FBXL17: variants seen among roughly 807,000 people sequenced by gnomAD.
FBXL17 encodes the protein F-box/LRR-repeat protein 17.
A neutral mutation model predicts 66.2 loss-of-function variants in FBXL17; 22 were observed. That is an observed-to-expected ratio of 0.33 (90% CI 0.24 to 0.47). The LOEUF (loss-of-function observed/expected upper bound fraction) is 0.47, where lower values mean the gene tolerates loss of function less well. Among genes scored for constraint, FBXL17 ranks in the 20% least tolerant of loss-of-function variants. The probability of loss-of-function intolerance (pLI) is 1.00; values close to 1 mark genes in which losing one functional copy is unlikely to be tolerated. For synonymous variants in FBXL17, 474 were observed against 400.5 expected, an observed-to-expected ratio of 1.18 and a Z score of -2.19; for missense variants, 878 against 948.2, an observed-to-expected ratio of 0.93 and a Z score of 0.97.
intron 4 of FBXL17, among the ~76,000 whole-genome samples, chr5:108,232,805 A>ATATATATATAT (rs70996987): frequency 2.3e-4 from 24 of 105,108 alleles, no homozygotes; most frequent in Non-Finnish European, 3.5e-4. Context: ...ATATATATAT[A>ATATATATATAT]ATATATACTA....
chr5:108,011,781 G>A (rs1333617754), intron 7 of FBXL17, among the ~76,000 whole-genome samples: 1 of 152,090 alleles, frequency 6.6e-6, no homozygotes, highest in African/African-American at 2.4e-5. Flanking sequence ...TTAAGATCTC[G>A]CCACTGCACT....
intron 4 of FBXL17, among the ~76,000 whole-genome samples, chr5:108,225,799 T>C (rs1250417368): frequency 1.3e-5 from 2 of 152,224 alleles, no homozygotes; most frequent in African/African-American, 2.4e-5. Context: ...CTCTCATTCA[T>C]TGTCACTATC....
At chr5:108,107,737 G>C (rs1460641579) in intron 6 of FBXL17, among the ~76,000 whole-genome samples, 1 of 151,086 alleles carries the variant, frequency 6.6e-6, no homozygotes, top group African/African-American at 2.4e-5. Context: ...GCATGAACCC[G>C]GGAGGCAGAG....
chr5:108,225,187 C>T (rs749251514), intron 4 of FBXL17, among the ~76,000 whole-genome samples: 5 of 152,132 alleles, frequency 3.3e-5, no homozygotes, highest in African/African-American at 7.2e-5. Context: ...TTATGACTGG[C>T]TTCTTTCACT....
chr5:107,989,028 A>C (rs1753126669), intron 7 of FBXL17, among the ~76,000 whole-genome samples: 1 of 152,036 alleles, frequency 6.6e-6, no homozygotes, highest in Non-Finnish European at 1.5e-5. Context: ...ATAATTGTAT[A>C]TATTTATGGG....
chr5:108,045,550 A>G (rs1400604062), intron 6 of FBXL17, among the ~76,000 whole-genome samples: 2 of 152,054 alleles, frequency 1.3e-5, no homozygotes, highest in Non-Finnish European at 2.9e-5. Flanking sequence ...TAGCTTTTTG[A>G]TTTAAAAATT....
Position 107,979,988 on chromosome 5 carries a change from A to G in FBXL17, c.1822+40937T>C, listed in dbSNP as rs549951616. 3.2e-4 allele frequency among the ~76,000 whole-genome samples: 48 copies of G among 152,332 alleles called. 2 individuals carry two copies. The South Asian group carries it at 9.7e-3, about 31-fold the overall frequency. The stretch of plus-strand genomic sequence containing the variant: ...CTGGTATGCTCTGACAAATCTTTAA[A>G]TTTGATCCTTTTTTGTTGGTGAAAG... On this transcript the variant is annotated intron_variant, in intron 7 of 8. Coordinates refer to ENST00000542267, the MANE Select transcript of FBXL17 (RefSeq NM_001163315.3).
At chr5:108,369,112 A>G (rs1230576988) in intron 1 of FBXL17, among the ~76,000 whole-genome samples, 2 of 152,138 alleles carry the variant, frequency 1.3e-5, no homozygotes, top group Non-Finnish European at 2.9e-5. Flanking sequence ...AGACAAATGC[A>G]TATCTGATTG....
At chr5:108,276,358 G>A (rs1011439106) in intron 4 of FBXL17, among the ~76,000 whole-genome samples, 2 of 152,162 alleles carry the variant, frequency 1.3e-5, no homozygotes, top group East Asian at 3.8e-4. Flanking sequence ...TTGCTGTGAT[G>A]ATTGATTGCA....
intron 4 of FBXL17, among the ~76,000 whole-genome samples, chr5:108,327,332 C>T (rs1382477278): frequency 6.6e-6 from 1 of 152,178 alleles, no homozygotes; most frequent in African/African-American, 2.4e-5. Flanking sequence ...AAAGCCTGAA[C>T]TACACCCCAG....
intron 4 of FBXL17, among the ~76,000 whole-genome samples, chr5:108,330,178 C>T (rs185529459): frequency 2.0e-5 from 3 of 152,228 alleles, no homozygotes; most frequent in East Asian, 1.9e-4. Flanking sequence ...TATGCCCTAG[C>T]TTTCAATATA....
intron 7 of FBXL17, among the ~76,000 whole-genome samples, chr5:108,003,302 C>A (rs1379360639): frequency 6.6e-6 from 1 of 152,086 alleles, no homozygotes; most frequent in Non-Finnish European, 1.5e-5. Flanking sequence ...TGAAAGTAGT[C>A]CAAACTGCCC....
chr5:108,163,643 C>T (rs1046400648), intron 6 of FBXL17, among the ~76,000 whole-genome samples: 20 of 152,064 alleles, frequency 1.3e-4, no homozygotes, highest in South Asian at 6.2e-4. Flanking sequence ...CCTCATGATC[C>T]GCCCATCTAG....
At chr5:107,893,000 C>T (rs779312930) in intron 7 of FBXL17, among the ~76,000 whole-genome samples, 2 of 152,108 alleles carry the variant, frequency 1.3e-5, no homozygotes, top group Non-Finnish European at 2.9e-5. Context: ...TCTTCCATTC[C>T]CAGTTTGCTG....
intron 7 of FBXL17, among the ~76,000 whole-genome samples, chr5:107,938,238 A>G (rs1213046048): frequency 6.6e-6 from 1 of 152,070 alleles, no homozygotes; most frequent in Non-Finnish European, 1.5e-5. Context: ...TGCTTTAAAG[A>G]ACCCAGTGAA....
At chr5:108,282,960 C>T (rs1757759355) in intron 4 of FBXL17, among the ~76,000 whole-genome samples, 1 of 149,324 alleles carries the variant, frequency 6.7e-6, no homozygotes, top group Non-Finnish European at 1.5e-5. Flanking sequence ...TGAAAAATCT[C>T]TGCAAGGAAA....
intron 4 of FBXL17, among the ~76,000 whole-genome samples, chr5:108,333,148 GTATA>G (rs145030445): frequency 2.2e-5 from 3 of 136,568 alleles, no homozygotes; most frequent in Non-Finnish European, 4.6e-5. Flanking sequence ...AGAAATACCA[GTATA>G]TATATATATA....
chr5:107,876,688 A>G (rs2112494995), intron 8 of FBXL17, among the ~76,000 whole-genome samples: 1 of 152,156 alleles, frequency 6.6e-6, no homozygotes, highest in African/African-American at 2.4e-5. Context: ...CTGCATTTCC[A>G]TTTGCCCTAC....
At position 108,069,335 on chromosome 5, in the gene FBXL17, G is replaced by A. The variant is rs559994761; in HGVS notation, c.1746-48334C>T. On this transcript the variant is annotated intron_variant, in intron 6 of 8. Transcript: ENST00000542267. ...ATTCAACAATTCGGCTTATGGCGAG[G>A]CTACTCTAGAATACATATTTTATTT... Among the ~76,000 whole-genome samples, 5 of 152,246 alleles carry A rather than the reference G, an allele frequency of 3.3e-5. No homozygotes were observed. The South Asian group carries it at 1.0e-3, about 32-fold the overall frequency.
Sources: gnomAD v4.1 joint callset for allele counts (sites outside exome capture counted in the v4.1 genomes callset) on GRCh38, gnomAD v4.1.1 for gene constraint, MANE v1.5 for transcripts, NCBI Gene and HGNC (gene_info 2026-07-23, HGNC 2026-07-21) for gene names.